The following MUC5B variants were observed in gnomAD, a reference collection of about 807,000 sequenced individuals.
MUC5B encodes the protein mucin 5B, oligomeric mucus/gel-forming.
A neutral mutation model predicts 376.9 loss-of-function variants in MUC5B; 116 were observed. That is an observed-to-expected ratio of 0.31 (90% CI 0.26 to 0.36). MUC5B has a LOEUF of 0.36. MUC5B is among the 10% of genes least tolerant of loss of function. The pLI is 1.00. For missense variants in MUC5B, 7,165 were observed against 7,769.9 expected, an observed-to-expected ratio of 0.92 and a Z score of 2.93; for synonymous variants, 3,517 against 3,390.9, an observed-to-expected ratio of 1.04 and a Z score of -1.29.
At position 1,227,719 on chromosome 11, in the gene MUC5B, G is replaced by C. The variant is rs1007713158; in HGVS notation, c.712G>C (p.Asp238His). The change falls in exon 7 of 49, where the codon GAT (aspartate) becomes CAT (histidine). Residue 238 changes from aspartate (D) to histidine (H), a missense_variant. By Grantham distance (81) the Asp-to-His change is moderately conservative. This residue lies in a region of MUC5B where 640 missense variants were observed against 733.0 expected (regional missense o/e 0.87). Coordinates refer to ENST00000529681, the MANE Select transcript of MUC5B (RefSeq NM_002458.3). ...CCAGTTTGGGAACCTGCAGAAGTTG[G>C]ATGGGCCCACGGAGCAGTGCCCGGA... ...PLQFGNLQKL[D>H]GPTEQCPDPL... 1.4e-6 allele frequency: 1 copy of C among 724,236 alleles called. No individual in the cohort carries two copies. Among genetic ancestry groups the C allele is most frequent in the African/African-American group, 1.7e-5 (1 of 57,552 alleles). 44.9% of individuals were successfully genotyped at this position (724,236 alleles called of 1,614,324 possible).
rs771871469 is a variant in MUC5B, at chr11:1,250,214, G to A, written c.13334G>A (p.Gly4445Glu). The change falls in exon 31 of 49, where the codon GGG becomes GAG. Residue 4445 changes from glycine to glutamate, a missense_variant. By Grantham distance (98) the Gly-to-Glu change is moderately conservative. Transcript: ENST00000529681. The stretch of plus-strand genomic sequence containing the variant: ...ACGGCCACCCCGTCCTCCACCCCAG[G>A]GACCACCTGGATCCTCACAGAGCCG... ...GSTATPSSTP[G>E]TTWILTEPST... is the part of the protein sequence containing the mutation. 1.2e-6 allele frequency: 2 copies of A among 1,608,100 alleles called. No homozygotes were observed. The highest frequency in any genetic ancestry group is 1.7e-6 in the Non-Finnish European group (2 of 1,176,644).
At position 1,241,629 on chromosome 11, in the gene MUC5B, C is replaced by T. The variant is rs56086719; in HGVS notation, c.4749C>T (p.Gly1583=). ...GLVCRNWEQE[G]VFKMCYNYRI... is the part of the protein sequence containing the mutation. The stretch of plus-strand genomic sequence containing the variant: ...TGTGCAGGAACTGGGAGCAGGAGGG[C>T]GTCTTCAAGATGTGCTACAACTACA... Residue 1583 remains glycine (G), a synonymous_variant, in exon 31 of 49, where the codon GGC becomes GGT. Transcript: ENST00000529681. The T allele has an allele frequency of 2.2e-3, 3,514 of 1,612,188 alleles. 13 individuals carry two copies. Among genetic ancestry groups the T allele is most frequent in the South Asian group, 8.1e-3 (734 of 90,976 alleles).
chr11:1,231,348 G>T, intron 13 of MUC5B, 75 bp from the exon 14 acceptor site: 1 of 1,503,374 alleles, frequency 6.7e-7, no homozygotes, highest in South Asian at 1.3e-5. Flanking sequence ...CCGGCCCACT[G>T]GATGCCCTGC....
rs372728511 is a variant in MUC5B at position 1,257,301 on chromosome 11, C to T, written c.16269+30C>T. 23 of 785,426 alleles carry T rather than the reference C, an allele frequency of 2.9e-5. No homozygotes were observed. Among genetic ancestry groups the T allele is most frequent in the African/African-American group, 2.2e-4 (13 of 59,346 alleles). The allele number at this position is 785,426 out of a possible 1,614,324, so 48.7% of individuals were successfully genotyped here. ...GTGGCTCCACCCCCACCTGCCCTAC[C>T]CCACCCTCTCGCGAGCTGAGGGAGG... On this transcript the variant is annotated intron_variant, in intron 40 of 48. Transcript: ENST00000529681. This position sits in a 1 kb window ranked among gnomAD's most constrained non-coding sequence, Gnocchi z 8.9.
At position 1,251,169 on chromosome 11, in the gene MUC5B, C is replaced by T. The variant is rs375775379; in HGVS notation, c.14289C>T (p.Thr4763=). ...CCTCCACCCTGTGGACCACGTGGAC[C>T]GTCCCAGCACAGACCACCACACCCA... is the stretch of plus-strand genomic sequence containing the variant. ...IPSSTLWTTW[T]VPAQTTTPMS... The change falls in exon 31 of 49, where the codon ACC becomes ACT. Residue 4763 remains threonine (T), a synonymous_variant. Transcript: ENST00000529681. The T allele has an allele frequency of 3.7e-5, 60 of 1,611,092 alleles. No individual in the cohort carries two copies. The African/African-American group carries it at 5.5e-4, about 15-fold the overall frequency.
In MUC5B at chr11:1,246,457, C is replaced by T. The variant is rs764880466; in HGVS notation, c.9577C>T (p.Leu3193Phe). 1 of 1,613,400 alleles carries T rather than the reference C, an allele frequency of 6.2e-7. No individual in the cohort carries two copies. The highest frequency in any genetic ancestry group is 1.3e-5 in the African/African-American group (1 of 74,772). Residue 3193 changes from leucine (L) to phenylalanine (F), a missense_variant, in exon 31 of 49, where the codon CTC becomes TTC. By Grantham distance (22) the Leu-to-Phe change is conservative (BLOSUM62 0). Around this residue, in one of 31 missense-constraint regions of MUC5B, gnomAD observed 939 missense variants for 770.6 expected, o/e 1.22. Coordinates refer to ENST00000529681, the MANE Select transcript of MUC5B (RefSeq NM_002458.3). ...ASSTRATAGTLKVLTSTATTP... is the reference protein window; with the variant it reads ...ASSTRATAGTFKVLTSTATTP... Reference sequence around the variant, plus strand: ...CTCCACCCGGGCAACTGCTGGCACCCTCAAAGTGCTGACCAGCACGGCCAC... The same window carrying T: ...CTCCACCCGGGCAACTGCTGGCACCTTCAAAGTGCTGACCAGCACGGCCAC...
chr11:1,238,720 C>A, intron 25 of MUC5B, 151 bp from the exon 26 acceptor site: 10 of 839,084 alleles, frequency 1.2e-5, no homozygotes, highest in Admixed American at 2.6e-5. Context: ...ATTTGGGGCA[C>A]GCTCTGAGGT....
rs529872477 is a variant in MUC5B at position 1,243,035 on chromosome 11, C to G, written c.6155C>G (p.Pro2052Arg). ...TPGTAHTTKV[P>R]TTTTTGFTAT... is the part of the protein sequence containing the mutation. ...GGAACAGCTCACACTACCAAAGTGCCAACTACCACAACCACGGGCTTCACA... is the reference window on the plus strand; with the variant it reads ...GGAACAGCTCACACTACCAAAGTGCGAACTACCACAACCACGGGCTTCACA... Residue 2052 changes from proline to arginine, a missense_variant, in exon 31 of 49, where the codon CCA becomes CGA. Pro to Arg is a moderately radical substitution (Grantham distance 103). Transcript: ENST00000529681. 1.3e-6 allele frequency: 2 copies of G among 1,590,142 alleles called. No individual in the cohort carries two copies. Among genetic ancestry groups the G allele is most frequent in the Non-Finnish European group, 8.6e-7 (1 of 1,161,908 alleles).
Position 1,241,057 on chromosome 11 carries a change from C to T in MUC5B, c.4177C>T (p.Leu1393=). 6.2e-7 allele frequency: 1 copy of T among 1,612,524 alleles called. No individual in the cohort carries two copies. The highest frequency in any genetic ancestry group is 8.5e-7 in the Non-Finnish European group (1 of 1,179,720). ...AQLPDMPLEE[L]GQQVDCDRMR... The stretch of plus-strand genomic sequence containing the variant: ...GCTTCCCGACATGCCGCTGGAGGAG[C>T]TGGGCCAGCAGGTGGACTGTGACCG... The change falls in exon 31 of 49, where the codon CTG becomes TTG. Residue 1393 remains leucine, a synonymous_variant. Coordinates refer to ENST00000529681, the MANE Select transcript of MUC5B (RefSeq NM_002458.3).
At position 1,241,692 on chromosome 11, in the gene MUC5B, G is replaced by A. The variant is rs1287503484; in HGVS notation, c.4812G>A (p.Arg1604=). The part of the protein sequence containing the change: ...RVLCCSDDHC[R]GRATTPPPTT... ...TCTGCTGCAGTGACGACCACTGCAGGGGACGTGCCACAACCCCGCCACCGA... is the reference window on the plus strand; with the variant it reads ...TCTGCTGCAGTGACGACCACTGCAGAGGACGTGCCACAACCCCGCCACCGA... The change falls in exon 31 of 49, where the codon AGG becomes AGA. Residue 1604 remains arginine, a synonymous_variant. Transcript: ENST00000529681. 14 of 1,612,128 alleles carry A rather than the reference G, an allele frequency of 8.7e-6. No individual in the cohort carries two copies. The highest frequency in any genetic ancestry group is 1.6e-4 in the Middle Eastern group (1 of 6,084).
In MUC5B at chr11:1,250,387, A is replaced by G. The variant is rs766634968; in HGVS notation, c.13507A>G (p.Thr4503Ala). 1 of 1,613,278 alleles carries G rather than the reference A, an allele frequency of 6.2e-7. No homozygotes were observed. The highest frequency in any genetic ancestry group is 1.1e-5 in the South Asian group (1 of 91,058). Residue 4503 changes from threonine to alanine, a missense_variant, in exon 31 of 49, where the codon ACT (threonine) becomes GCT (alanine). By Grantham distance (58) the Thr-to-Ala change is moderately conservative. Around this residue, in one of 31 missense-constraint regions of MUC5B, gnomAD observed 431 missense variants for 390.4 expected, o/e 1.10. Transcript: ENST00000529681. ...AGCCACTCCCTCCTCCAGTCCAGGGACTGCAACTGCCCTTCCAGCACTGAG... is the reference window on the plus strand; with the variant it reads ...AGCCACTCCCTCCTCCAGTCCAGGGGCTGCAACTGCCCTTCCAGCACTGAG... ...SKATPSSSPG[T>A]ATALPALRST...
rs560329506 is a variant in MUC5B at position 1,228,604 on chromosome 11, C to T, written c.815C>T (p.Ala272Val). 243 of 1,531,468 alleles carry T rather than the reference C, an allele frequency of 1.6e-4. 4 individuals are homozygous for T. In the South Asian group the frequency reaches 2.6e-3, roughly 16 times the overall value. 94.9% of individuals were successfully genotyped at this position (1,531,468 alleles called of 1,614,324 possible). A position where few individuals can be genotyped will look rare whatever the true frequency, so the allele number is the denominator to read the frequency against. Residue 272 changes from alanine to valine, a missense_variant, in exon 8 of 49, where the codon GCG becomes GTG. By Grantham distance (64) the Ala-to-Val change is moderately conservative. Around this residue, in one of 31 missense-constraint regions of MUC5B, gnomAD observed 640 missense variants for 733.0 expected, o/e 0.87. Coordinates refer to ENST00000529681, the MANE Select transcript of MUC5B (RefSeq NM_002458.3). ...CHRTLLGPAF[A>V]ECHALVDSTA... Reference sequence around the variant, plus strand: ...CGCACCCTGCTGGGGCCGGCCTTTGCGGAGTGCCACGCACTGGTGGACAGC... The same window carrying T: ...CGCACCCTGCTGGGGCCGGCCTTTGTGGAGTGCCACGCACTGGTGGACAGC...
At chr11:1,223,897 GCAGCCCCTCCCTGCCCCGCCCTC>G (rs1237173524) in intron 1 of MUC5B, among the ~76,000 whole-genome samples, 2 of 152,180 alleles carry the variant, frequency 1.3e-5, no homozygotes, top group Admixed American at 6.5e-5. Flanking sequence ...TGAGGCTGCT[GCAGCCCCTCCCTGCCCCGCCCTC>G]CACCCCCTCC....
chr11:1,246,707 C>T lies in MUC5B; in HGVS notation c.9827C>T (p.Thr3276Ile). The T allele has an allele frequency of 1.2e-6, 2 of 1,610,324 alleles. No individual in the cohort carries two copies. The highest frequency in any genetic ancestry group is 1.7e-6 in the Non-Finnish European group (2 of 1,177,600). Residue 3276 changes from threonine (T) to isoleucine (I), a missense_variant, in exon 31 of 49, where the codon ACC (threonine) becomes ATC (isoleucine). Transcript: ENST00000529681. Reference protein sequence around the residue: ...TPSSTPETVHTSTVLTTTTTT... With the variant: ...TPSSTPETVHISTVLTTTTTT... ...TCCTCTACTCCAGAGACTGTCCACA[C>T]CTCCACAGTGCTTACCACCACGACC...
chr11:1,260,340 G>GC lies in MUC5B; in HGVS notation c.16924-6dup, dbSNP rs1234263690. 2 of 1,612,262 alleles carry GC rather than the reference G, an allele frequency of 1.2e-6. No homozygotes were observed. Among genetic ancestry groups the GC allele is most frequent in the South Asian group, 1.1e-5 (1 of 91,072 alleles). On this transcript the variant is annotated splice_polypyrimidine_tract_variant and intron_variant, in intron 46 of 48. Transcript: ENST00000529681. ...CCCACAGCCCTGCCCCCTGTCTTTG[G>GC]CCCCCACCAGGGGAGCCTCAGGAAA...
chr11:1,240,073 G>A lies in MUC5B; in HGVS notation c.3757G>A (p.Ala1253Thr), dbSNP rs368522894. 1.5e-5 allele frequency: 23 copies of A among 1,567,970 alleles called. No individual in the cohort carries two copies. The East Asian group carries it at 2.0e-4, about 14-fold the overall frequency. ...CTGCACACCCAGTGGCATCCAGTGC[G>A]CTCACAGCCTTGAGGGTAAGGAAGG... ...CNCTPSGIQC[A>T]HSLEACTCTY... Residue 1253 changes from alanine to threonine, a missense_variant, in exon 29 of 49, where the codon GCT becomes ACT. By Grantham distance (58) the Ala-to-Thr change is moderately conservative. Transcript: ENST00000529681.
In MUC5B at chr11:1,251,584, A is replaced by G. The variant is rs771603281; in HGVS notation, c.14704A>G (p.Thr4902Ala). The change falls in exon 31 of 49, where the codon ACC (threonine) becomes GCC (alanine). Residue 4902 changes from threonine (T) to alanine (A), a missense_variant. By Grantham distance (58) the Thr-to-Ala change is moderately conservative. Around this residue, in one of 31 missense-constraint regions of MUC5B, gnomAD observed 730 missense variants for 592.7 expected, o/e 1.23. Coordinates refer to ENST00000529681, the MANE Select transcript of MUC5B (RefSeq NM_002458.3). ...GGTTCCCAGCTCGTCCACCGTGGGG[A>G]CCACCCGCACCCCTGCAGTGCTCCC... The part of the protein sequence containing the change: ...STVPSSSTVG[T>A]TRTPAVLPSS... 1 of 1,612,666 alleles carries G rather than the reference A, an allele frequency of 6.2e-7. No homozygotes were observed. Among genetic ancestry groups the G allele is most frequent in the Non-Finnish European group, 8.5e-7 (1 of 1,179,758 alleles).
intron 17 of MUC5B, 36 bp downstream of exon 17, chr11:1,232,806 C>A: frequency 6.4e-7 from 1 of 1,558,728 alleles, no homozygotes; most frequent in Non-Finnish European, 8.7e-7. Flanking sequence ...TGTGTCCACA[C>A]CGCGTGGGGG....
intron 27 of MUC5B, 91 bp downstream of exon 27, chr11:1,239,657 G>T: frequency 6.7e-7 from 1 of 1,500,658 alleles, no homozygotes. Flanking sequence ...CGCGGTGTAG[G>T]CTCCCGTAAA....
Sources: allele counts gnomAD v4.1 joint callset (sites outside exome capture counted in the v4.1 genomes callset), GRCh38; gene constraint gnomAD v4.1.1; regional missense constraint gnomAD v4.1.1; non-coding constraint Gnocchi (gnomAD v3.1); transcripts MANE v1.5; gene names NCBI Gene and HGNC (gene_info 2026-07-23, HGNC 2026-07-21).